The following EPHA6 variants were observed in gnomAD, a reference collection of about 807,000 sequenced individuals.
EPHA6 encodes the protein ephrin type-A receptor 6.
A neutral mutation model predicts 112.0 loss-of-function variants in EPHA6; 50 were observed. The ratio of observed to expected loss-of-function variants is 0.45; its 90% CI spans 0.36 to 0.56. The LOEUF is 0.56. Among genes scored for constraint, EPHA6 ranks in the 20% least tolerant of loss-of-function variants. The pLI, the probability that EPHA6 is intolerant of heterozygous loss-of-function variation, is 0.00. For synonymous variants in EPHA6, 529 were observed against 490.7 expected, an observed-to-expected ratio of 1.08 and a Z score of -1.03; for missense variants, 1,280 against 1,417.4, an observed-to-expected ratio of 0.90 and a Z score of 1.56.
intron 5 of EPHA6, among the ~76,000 whole-genome samples, chr3:97,322,469 T>C (rs1447964572): frequency 2.6e-5 from 4 of 151,950 alleles, no homozygotes; most frequent in Admixed American, 1.3e-4. Context: ...CCCACTATTC[T>C]CAAAATGACA....
At chr3:97,632,154 T>C (rs568148599) in intron 13 of EPHA6, among the ~76,000 whole-genome samples, 6 of 152,174 alleles carry the variant, frequency 3.9e-5, no homozygotes, top group Admixed American at 3.9e-4. Flanking sequence ...GAATCTCCTA[T>C]AGTAAATATG....
At chr3:97,185,215 G>A (rs920529309) in intron 3 of EPHA6, among the ~76,000 whole-genome samples, 7 of 152,086 alleles carry the variant, frequency 4.6e-5, no homozygotes, top group South Asian at 2.1e-4. Flanking sequence ...ATTGACAAAC[G>A]GGATCTAATT....
At chr3:97,363,433 A>G (rs1020387943) in intron 5 of EPHA6, among the ~76,000 whole-genome samples, 5 of 149,560 alleles carry the variant, frequency 3.3e-5, no homozygotes, top group African/African-American at 7.6e-5. Flanking sequence ...TACTTATCTC[A>G]TTATAAAAGA....
chr3:96,847,652 A>G (rs979051453), intron 1 of EPHA6, among the ~76,000 whole-genome samples: 3 of 152,144 alleles, frequency 2.0e-5, no homozygotes, highest in African/African-American at 7.2e-5. Flanking sequence ...CTTTAAGAAG[A>G]GAATTATACA....
At chr3:97,289,353 T>A (rs1246237424) in intron 5 of EPHA6, among the ~76,000 whole-genome samples, 1 of 152,086 alleles carries the variant, frequency 6.6e-6, no homozygotes. Flanking sequence ...TTCCCCATTG[T>A]TTATTTGTAT....
chr3:97,058,507 G>A (rs2108112168), intron 3 of EPHA6, among the ~76,000 whole-genome samples: 1 of 152,200 alleles, frequency 6.6e-6, no homozygotes, highest in Middle Eastern at 3.4e-3. Flanking sequence ...TCACCATGTT[G>A]GCCAGGCTGG....
chr3:97,552,099 A>G (rs559480122), intron 11 of EPHA6, among the ~76,000 whole-genome samples: 6 of 152,350 alleles, frequency 3.9e-5, no homozygotes, highest in African/African-American at 1.4e-4. Context: ...AAATGAAACA[A>G]TGTTCCTAGG....
intron 5 of EPHA6, among the ~76,000 whole-genome samples, chr3:97,321,148 A>T (rs1409937720): frequency 6.6e-6 from 1 of 151,920 alleles, no homozygotes; most frequent in Non-Finnish European, 1.5e-5. Flanking sequence ...ATGGTTTACT[A>T]CTTATCTATT....
chr3:97,407,671 G>A (rs896563620), intron 6 of EPHA6, among the ~76,000 whole-genome samples: 2 of 151,952 alleles, frequency 1.3e-5, no homozygotes, highest in Non-Finnish European at 2.9e-5. Flanking sequence ...GCTTGACTAT[G>A]AAAGGCACTT....
chr3:97,699,792 T>C (rs1352987261), intron 14 of EPHA6, among the ~76,000 whole-genome samples: 1 of 152,246 alleles, frequency 6.6e-6, no homozygotes, highest in Non-Finnish European at 1.5e-5. Flanking sequence ...CTACTTCCCT[T>C]ATGCCACCAT....
intron 11 of EPHA6, among the ~76,000 whole-genome samples, chr3:97,585,143 G>T (rs2093476529): frequency 6.6e-6 from 1 of 152,164 alleles, no homozygotes; most frequent in African/African-American, 2.4e-5. Flanking sequence ...GCTTCATTCA[G>T]TGTAGCGAAT....
chr3:97,618,740 T>C (rs1303485996), intron 13 of EPHA6, among the ~76,000 whole-genome samples: 1 of 151,948 alleles, frequency 6.6e-6, no homozygotes, highest in Non-Finnish European at 1.5e-5. Context: ...AACACATCAA[T>C]AACAGGTTCT....
chr3:97,017,833 AG>A (rs2044315445), intron 3 of EPHA6, among the ~76,000 whole-genome samples: 1 of 151,878 alleles, frequency 6.6e-6, no homozygotes, highest in Non-Finnish European at 1.5e-5. Flanking sequence ...ATCTTTTTCT[AG>A]GTTGGGGATG....
At chr3:97,222,871 A>C (rs2078247207) in intron 3 of EPHA6, among the ~76,000 whole-genome samples, 1 of 152,204 alleles carries the variant, frequency 6.6e-6, no homozygotes, top group Admixed American at 6.5e-5. Flanking sequence ...AAGGCTAACT[A>C]ATGCGGAAAA....
intron 3 of EPHA6, among the ~76,000 whole-genome samples, chr3:97,179,733 C>A (rs1559778006): frequency 6.7e-6 from 1 of 150,178 alleles, no homozygotes; most frequent in Non-Finnish European, 1.5e-5. Flanking sequence ...CTCTCTCTCT[C>A]TCTCTCTCTC....
intron 5 of EPHA6, among the ~76,000 whole-genome samples, chr3:97,374,416 A>G (rs2085231234): frequency 6.6e-6 from 1 of 152,092 alleles, no homozygotes; most frequent in East Asian, 1.9e-4. Context: ...TGGTTACTGC[A>G]CTAATCTTAA....
At chr3:96,958,549 T>A (rs2041846695) in intron 2 of EPHA6, among the ~76,000 whole-genome samples, 1 of 152,206 alleles carries the variant, frequency 6.6e-6, no homozygotes, top group African/African-American at 2.4e-5. Flanking sequence ...TTCATTTACT[T>A]GCACTGGTTA....
At chr3:97,099,378 CTG>C (rs2047338268) in intron 3 of EPHA6, among the ~76,000 whole-genome samples, 1 of 151,766 alleles carries the variant, frequency 6.6e-6, no homozygotes, top group African/African-American at 2.4e-5. Flanking sequence ...GGTCAGAAAT[CTG>C]TTAAATATTG....
At chr3:97,486,955 T>A (rs543404523) in intron 10 of EPHA6, among the ~76,000 whole-genome samples, 1 of 152,348 alleles carries the variant, frequency 6.6e-6, no homozygotes, top group South Asian at 2.1e-4. Context: ...CAGCTATTGA[T>A]TGTTTCTTCT....
Sources: allele counts gnomAD v4.1 joint callset (sites outside exome capture counted in the v4.1 genomes callset), GRCh38; gene constraint gnomAD v4.1.1; transcripts MANE v1.5; gene names NCBI Gene and HGNC (gene_info 2026-07-23, HGNC 2026-07-21).